Variants in DMXL1 observed in about 807,000 individuals in gnomAD.
DMXL1 encodes Dmx like 1, also known as dmX-like protein 1.
DMXL1 carries 99 observed loss-of-function variants against 319.2 expected under a neutral mutation model. That is an observed-to-expected ratio of 0.31 (90% CI 0.26 to 0.37). The LOEUF (loss-of-function observed/expected upper bound fraction) is 0.37. Among genes scored for constraint, DMXL1 ranks in the 10% least tolerant of loss-of-function variants. The pLI is 1.00. For missense variants in DMXL1, 3,745 were observed against 3,595.6 expected (o/e 1.04, Z -1.06); for synonymous variants, 1,385 against 1,235.2 (o/e 1.12, Z -2.54).
intron 15 of DMXL1, among the ~76,000 whole-genome samples, chr5:119,145,701 C>T (rs1343950583): frequency 1.3e-5 from 2 of 151,582 alleles, no homozygotes; most frequent in Non-Finnish European, 3.0e-5. Context: ...TCGGATTCTT[C>T]AATTTTTAAT....
In DMXL1 at chr5:119,146,839, A is replaced by G. The variant is rs1768657885; in HGVS notation, c.2572A>G (p.Ser858Gly). ...GKDSILSNAG[S>G]SPNGFSEKFY... is the part of the protein sequence containing the mutation. ...AAAAATATCATTAATACCAACAGGC[A>G]GCTCACCTAATGGATTTTCTGAGAA... The change falls in exon 16 of 44, where the codon AGC (serine) becomes GGC (glycine). Residue 858 changes from serine (S) to glycine (G), a missense_variant and splice_region_variant. Coordinates refer to ENST00000539542, the MANE Select transcript of DMXL1 (RefSeq NM_001290321.3). The G allele has an allele frequency of 1.2e-6, 2 of 1,609,682 alleles. No homozygotes were observed. The highest frequency in any genetic ancestry group is 1.7e-6 in the Non-Finnish European group (2 of 1,177,850).
intron 32 of DMXL1, among the ~76,000 whole-genome samples, chr5:119,200,536 A>G (rs768312561): frequency 1.3e-5 from 2 of 152,046 alleles, no homozygotes; most frequent in Non-Finnish European, 2.9e-5. Context: ...TTTGCTTAGG[A>G]TCGCCTTGCT....
At chr5:119,220,890 A>G in intron 36 of DMXL1, 50 bp from the exon 37 acceptor site, 3 of 1,583,746 alleles carry the variant, frequency 1.9e-6, no homozygotes, top group Non-Finnish European at 2.6e-6. Context: ...CAAGTGTAAA[A>G]AAGAAAGAAA....
chr5:119,141,127 G>C (rs1471684228), intron 13 of DMXL1, among the ~76,000 whole-genome samples: 1 of 152,104 alleles, frequency 6.6e-6, no homozygotes, highest in Non-Finnish European at 1.5e-5. Context: ...AGCTATCTTT[G>C]ACAGACTCTC....
At chr5:119,085,790 T>C (rs1023638410) in intron 1 of DMXL1, among the ~76,000 whole-genome samples, 7 of 152,170 alleles carry the variant, frequency 4.6e-5, no homozygotes, top group African/African-American at 1.7e-4. Flanking sequence ...CTTCAGTTTT[T>C]CCCTATTTAG....
chr5:119,133,231 C>G lies in DMXL1; in HGVS notation c.1415C>G (p.Ser472Ter). Reference protein sequence around the residue: ...VPNSSFTSLSSAAIDHQIEVL... With the variant: ...VPNSSFTSLS Reference sequence around the variant, plus strand: ...AACTCAAGTTTTACATCATTATCGTCAGCTGCCATTGATCATCAGATTGAA... The same window carrying G: ...AACTCAAGTTTTACATCATTATCGTGAGCTGCCATTGATCATCAGATTGAA... Residue 472 changes from serine (S) to a stop codon, truncating the protein, a stop_gained, in exon 11 of 44, where the codon TCA becomes TGA. Coordinates refer to ENST00000539542, the MANE Select transcript of DMXL1 (RefSeq NM_001290321.3). LOFTEE classifies it high-confidence loss of function. The G allele has an allele frequency of 3.7e-6, 6 of 1,614,138 alleles. No individual in the cohort carries two copies. Among genetic ancestry groups the G allele is most frequent in the Non-Finnish European group, 5.1e-6 (6 of 1,180,024 alleles).
chr5:119,094,201 T>A (rs931434554), intron 1 of DMXL1, among the ~76,000 whole-genome samples: 1 of 152,250 alleles, frequency 6.6e-6, no homozygotes, highest in African/African-American at 2.4e-5. Context: ...GAGAGGTCAA[T>A]GCCTGGCTTC....
At chr5:119,167,993 G>A in intron 23 of DMXL1, 129 bp downstream of exon 23, 1 of 906,878 alleles carries the variant, frequency 1.1e-6, no homozygotes, top group South Asian at 2.5e-5. Context: ...ACAGTTTTTG[G>A]TTGGTTGTTT....
chr5:119,201,982 G>T (rs377364105), intron 32 of DMXL1, among the ~76,000 whole-genome samples: 2 of 151,890 alleles, frequency 1.3e-5, no homozygotes, highest in African/African-American at 4.8e-5. Context: ...AGTCTAGCTG[G>T]CAGTCTGTCT....
At position 119,207,017 on chromosome 5, in the gene DMXL1, ATTATTCTCCTT is replaced by A; in HGVS notation, c.7926+127_7926+137del. On this transcript the variant is annotated intron_variant, in intron 34 of 43. Transcript: ENST00000539542. ...TGGATTTAAAGTATTGTTCCCTCAA[ATTATTCTCCTT>A]TTATTTTAACAACTTAAATACTGCA... is the stretch of plus-strand genomic sequence containing the variant. The A allele has an allele frequency of 5.3e-6, 3 of 568,004 alleles. 1 individual carries two copies. In the South Asian group the frequency reaches 7.7e-5, roughly 15 times the overall value. 35.2% of individuals were successfully genotyped at this position (568,004 alleles called of 1,614,324 possible).
intron 1 of DMXL1, among the ~76,000 whole-genome samples, chr5:119,093,570 G>A (rs888328535): frequency 6.6e-6 from 1 of 152,166 alleles, no homozygotes; most frequent in Non-Finnish European, 1.5e-5. Context: ...ATTATGAATA[G>A]TGACAACCCT....
At chr5:119,240,029 C>T (rs1788487151) in intron 41 of DMXL1, among the ~76,000 whole-genome samples, 1 of 150,068 alleles carries the variant, frequency 6.7e-6, no homozygotes, top group African/African-American at 2.4e-5. Flanking sequence ...AGTGCCTTGG[C>T]AGGCTGAGGC....
At chr5:119,197,603 A>G in intron 31 of DMXL1, 152 bp from the exon 32 acceptor site, 2 of 713,782 alleles carry the variant, frequency 2.8e-6, no homozygotes, top group South Asian at 3.8e-5. Context: ...CTCACCTTGC[A>G]CATCTTCCCT....
chr5:119,116,398 G>A (rs1469934858), intron 7 of DMXL1, 62 bp downstream of exon 7: 3 of 1,532,290 alleles, frequency 2.0e-6, no homozygotes, highest in Admixed American at 1.9e-5. Context: ...TACTTTGATT[G>A]CTTCTCTCAC....
Position 119,114,578 on chromosome 5 carries a change from T to A in DMXL1, c.564+37T>A, listed in dbSNP as rs374332728. 28 of 1,394,982 alleles carry A rather than the reference T, an allele frequency of 2.0e-5. No individual in the cohort carries two copies. The Middle Eastern group carries it at 1.4e-3, about 69-fold the overall frequency. 86.4% of individuals were successfully genotyped at this position (1,394,982 alleles called of 1,614,324 possible). On this transcript the variant is annotated intron_variant, in intron 6 of 43. Transcript: ENST00000539542. ...AAATGCTATTGCCAAATTATGTGTT[T>A]ATAGTTTACTTTGAAACTTTAAAAA...
intron 1 of DMXL1, among the ~76,000 whole-genome samples, chr5:119,090,409 G>C (rs1469795515): frequency 3.9e-5 from 6 of 152,072 alleles, no homozygotes; most frequent in South Asian, 4.2e-4. Context: ...TGAAGTTTTA[G>C]AAAGTTTTCT....
chr5:119,203,168 T>C, intron 32 of DMXL1, 151 bp from the exon 33 acceptor site: 1 of 484,898 alleles, frequency 2.1e-6, no homozygotes, highest in Non-Finnish European at 3.7e-6. Flanking sequence ...AAGGAAATCC[T>C]TTAAGGAAAA....
intron 1 of DMXL1, among the ~76,000 whole-genome samples, chr5:119,082,689 T>G (rs1414412411): frequency 6.6e-6 from 1 of 152,262 alleles, no homozygotes; most frequent in Non-Finnish European, 1.5e-5. Flanking sequence ...ACTTGGCATA[T>G]CCAGCACCTT....
chr5:119,187,654 A>G (rs2150360528), intron 28 of DMXL1, among the ~76,000 whole-genome samples: 1 of 152,144 alleles, frequency 6.6e-6, no homozygotes, highest in Non-Finnish European at 1.5e-5. Context: ...CTTCATTAAA[A>G]GTGTTGTTTT....
Sources: gnomAD v4.1 joint callset for allele counts (sites outside exome capture counted in the v4.1 genomes callset) on GRCh38, gnomAD v4.1.1 for gene constraint, MANE v1.5 for transcripts, NCBI Gene and HGNC (gene_info 2026-07-23, HGNC 2026-07-21) for gene names.